PRKAR1B: variants seen among roughly 807,000 people sequenced by gnomAD.
The protein encoded by PRKAR1B is protein kinase cAMP-dependent type I regulatory subunit beta.
A neutral mutation model predicts 46.5 loss-of-function variants in PRKAR1B; 22 were observed. The observed-to-expected ratio is 0.47, with a 90% CI of 0.34 to 0.68. The LOEUF is 0.68. PRKAR1B is among the 30% of genes least tolerant of loss of function. PRKAR1B has a pLI of 0.01. For synonymous variants in PRKAR1B, 259 were observed against 217.7 expected (o/e 1.19, Z -1.67); for missense variants, 445 against 535.6 (o/e 0.83, Z 1.67).
chr7:568,645 C>T (rs1446083878), intron 9 of PRKAR1B, among the ~76,000 whole-genome samples: 1 of 152,232 alleles, frequency 6.6e-6, no homozygotes, highest in East Asian at 1.9e-4. Flanking sequence ...CCACCACGGC[C>T]AGCCCCTGCT....
At chr7:635,208 C>G (rs984665621) in intron 4 of PRKAR1B, among the ~76,000 whole-genome samples, 39 of 152,230 alleles carry the variant, frequency 2.6e-4, no homozygotes, top group African/African-American at 8.0e-4. Flanking sequence ...ATCTGACACC[C>G]TGGGACCCAC....
intron 4 of PRKAR1B, among the ~76,000 whole-genome samples, chr7:665,147 C>A (rs557646340): frequency 6.6e-6 from 1 of 152,180 alleles, no homozygotes; most frequent in African/African-American, 2.4e-5. Context: ...CAGCTCCAGG[C>A]GCAGGCCACG....
intron 4 of PRKAR1B, among the ~76,000 whole-genome samples, chr7:632,750 G>A (rs773150342): frequency 7.9e-5 from 12 of 152,186 alleles, no homozygotes; most frequent in East Asian, 3.9e-4. Flanking sequence ...CTGAGCCCCC[G>A]GCACTGCCAG....
chr7:696,478 G>A (rs114905816), intron 2 of PRKAR1B, among the ~76,000 whole-genome samples: 5,086 of 151,904 alleles, frequency 0.033, 324 homozygotes, highest in African/African-American at 0.12. Flanking sequence ...CACCATGTTG[G>A]CAAGGCTGAC....
intron 9 of PRKAR1B, among the ~76,000 whole-genome samples, chr7:578,093 G>C (rs1483110997): frequency 6.6e-6 from 1 of 152,244 alleles, no homozygotes; most frequent in Non-Finnish European, 1.5e-5. Context: ...GCACGGGTGG[G>C]CGTGGCTTAC....
chr7:601,155 G>T (rs765471941), intron 6 of PRKAR1B, among the ~76,000 whole-genome samples: 15 of 152,238 alleles, frequency 9.9e-5, no homozygotes, highest in Non-Finnish European at 1.5e-5. Context: ...CACTTGGCCA[G>T]CGCAGTTAAA....
chr7:673,426 G>A (rs1786400485), intron 4 of PRKAR1B, among the ~76,000 whole-genome samples: 1 of 152,026 alleles, frequency 6.6e-6, no homozygotes, highest in Admixed American at 6.5e-5. Context: ...GAGGAGAGTG[G>A]ATCACAAGGT....
At chr7:603,036 G>C (rs560580580) in intron 6 of PRKAR1B, 1 of 152,368 alleles carries the variant, frequency 6.6e-6, no homozygotes, top group South Asian at 2.1e-4. Flanking sequence ...TCTGGGTAAA[G>C]GGTTTGTCTC....
At chr7:606,084 G>A (rs575568369) in intron 6 of PRKAR1B, 109 bp downstream of exon 6, 194 of 984,974 alleles carry the variant, frequency 2.0e-4, no homozygotes, top group African/African-American at 7.8e-4. Context: ...CTAGGAATAC[G>A]GCACTCAGCG....
At chr7:719,566 C>T (rs576980190) in intron 1 of PRKAR1B, among the ~76,000 whole-genome samples, 1 of 152,330 alleles carries the variant, frequency 6.6e-6, no homozygotes, top group Non-Finnish European at 1.5e-5. Context: ...TCTCCCGTCT[C>T]AGCATCCCAA....
intron 1 of PRKAR1B, among the ~76,000 whole-genome samples, chr7:722,102 T>A (rs1197381083): frequency 7.0e-6 from 1 of 141,932 alleles, no homozygotes; most frequent in East Asian, 2.1e-4. Context: ...CAGCCTTTTT[T>A]TTTTTTTTTT....
chr7:552,914 G>A (rs980628780), intron 9 of PRKAR1B, among the ~76,000 whole-genome samples: 1 of 152,258 alleles, frequency 6.6e-6, no homozygotes, highest in Non-Finnish European at 1.5e-5. Flanking sequence ...ACGGGGAAGT[G>A]GGGAGGGGTC....
chr7:647,805 C>CAAAA (rs769761277), intron 4 of PRKAR1B, among the ~76,000 whole-genome samples: 2 of 17,878 alleles, frequency 1.1e-4, no homozygotes, highest in African/African-American at 3.6e-4. Context: ...ACTTCGTCTC[C>CAAAA]AAAAAAAAAA....
At chr7:628,902 C>T (rs949023494) in intron 4 of PRKAR1B, among the ~76,000 whole-genome samples, 5 of 151,830 alleles carry the variant, frequency 3.3e-5, no homozygotes, top group African/African-American at 1.2e-4. Context: ...CAGGGTTCGT[C>T]GGGGACGGGG....
chr7:570,858 C>T (rs139669337), intron 9 of PRKAR1B, among the ~76,000 whole-genome samples: 1 of 152,250 alleles, frequency 6.6e-6, no homozygotes, highest in East Asian at 1.9e-4. Flanking sequence ...CGGCCCCCAC[C>T]ACCCTCCCTG....
intron 4 of PRKAR1B, among the ~76,000 whole-genome samples, chr7:638,648 G>A (rs1044368467): frequency 2.0e-5 from 3 of 152,194 alleles, no homozygotes; most frequent in Admixed American, 6.5e-5. Flanking sequence ...GAGAAGACGG[G>A]CAGGACTTCG....
intron 2 of PRKAR1B, among the ~76,000 whole-genome samples, chr7:684,663 G>C (rs1778904196): frequency 1.3e-5 from 2 of 152,194 alleles, no homozygotes; most frequent in Admixed American, 1.3e-4. Context: ...GACCACAGGA[G>C]CTCGGAAGCC....
chr7:637,637 C>CTG (rs1235842755), intron 4 of PRKAR1B, among the ~76,000 whole-genome samples: 1 of 151,964 alleles, frequency 6.6e-6, no homozygotes, highest in East Asian at 1.9e-4. Flanking sequence ...AGATCGAGAC[C>CTG]AGCCTGGCCA....
At chr7:571,371 C>G (rs1467866766) in intron 9 of PRKAR1B, among the ~76,000 whole-genome samples, 1 of 152,178 alleles carries the variant, frequency 6.6e-6, no homozygotes, top group Non-Finnish European at 1.5e-5. Flanking sequence ...CTAAAAGCAT[C>G]CAGCAGCGAC....
Sources: gnomAD v4.1 joint callset for allele counts (sites outside exome capture counted in the v4.1 genomes callset) on GRCh38, gnomAD v4.1.1 for gene constraint, MANE v1.5 for transcripts, NCBI Gene and HGNC (gene_info 2026-07-23, HGNC 2026-07-21) for gene names.